Variants in GSTCD observed in about 807,000 individuals in gnomAD.
GSTCD encodes glutathione S-transferase C-terminal domain containing, also known as glutathione S-transferase C-terminal domain-containing protein.
Under a neutral mutation model 68.3 loss-of-function variants are expected in GSTCD, and 44 were observed. The observed-to-expected ratio is 0.64, with a 90% CI of 0.51 to 0.83. The LOEUF (loss-of-function observed/expected upper bound fraction) is 0.83. GSTCD is among the 40% of genes least tolerant of loss of function. The pLI is 0.00. For synonymous variants in GSTCD, 273 were observed against 255.2 expected, an observed-to-expected ratio of 1.07 and a Z score of -0.67; for missense variants, 739 against 735.9, an observed-to-expected ratio of 1.00 and a Z score of -0.05.
chr4:105,795,284 G>T (rs1476866627), intron 5 of GSTCD, among the ~76,000 whole-genome samples: 1 of 151,920 alleles, frequency 6.6e-6, no homozygotes, highest in African/African-American at 2.4e-5. Flanking sequence ...ATTTTTCTGA[G>T]ACCTGCTTTG....
At chr4:105,793,998 A>G (rs1735776241) in intron 5 of GSTCD, among the ~76,000 whole-genome samples, 1 of 152,086 alleles carries the variant, frequency 6.6e-6, no homozygotes, top group African/African-American at 2.4e-5. Flanking sequence ...CTGTGGGTTG[A>G]TTTGGTATGA....
chr4:105,726,926 G>C, intron 4 of GSTCD, 96 bp downstream of exon 4: 1 of 1,027,468 alleles, frequency 9.7e-7, no homozygotes, highest in Admixed American at 2.7e-5. Context: ...CATTATTTTT[G>C]TTATAAATTT....
intron 9 of GSTCD, among the ~76,000 whole-genome samples, chr4:105,836,116 C>A (rs1724108116): frequency 6.6e-6 from 1 of 151,104 alleles, no homozygotes; most frequent in African/African-American, 2.4e-5. Context: ...AATATCTACT[C>A]AGCTCTCAGG....
At chr4:105,796,397 GC>G (rs774698777) in intron 5 of GSTCD, among the ~76,000 whole-genome samples, 47 of 152,278 alleles carry the variant, frequency 3.1e-4, no homozygotes, top group Admixed American at 6.5e-4. Flanking sequence ...TGGGGACACA[GC>G]CAAACCATAT....
At chr4:105,715,211 C>G (rs144336785) in intron 1 of GSTCD, among the ~76,000 whole-genome samples, 170 of 152,238 alleles carry the variant, frequency 1.1e-3, no homozygotes, top group African/African-American at 4.0e-3. Flanking sequence ...AGTGTTGTTA[C>G]AGATCTCACT....
chr4:105,844,006 G>A (rs999783817), intron 11 of GSTCD, among the ~76,000 whole-genome samples: 4 of 152,088 alleles, frequency 2.6e-5, no homozygotes, highest in African/African-American at 4.8e-5. Context: ...TCCTCCCCAG[G>A]CCCACAAAGG....
chr4:105,832,380 C>T (rs898544047), intron 8 of GSTCD, among the ~76,000 whole-genome samples: 2 of 152,020 alleles, frequency 1.3e-5, no homozygotes, highest in African/African-American at 4.8e-5. Context: ...TATTAGTAGA[C>T]AATTATTACA....
chr4:105,797,667 A>G (rs1735948645), intron 5 of GSTCD, among the ~76,000 whole-genome samples: 2 of 151,958 alleles, frequency 1.3e-5, no homozygotes, highest in Non-Finnish European at 1.5e-5. Context: ...ATAAGACAAC[A>G]ATGAAGTTTA....
chr4:105,775,204 A>G (rs1735006629), intron 5 of GSTCD, among the ~76,000 whole-genome samples: 1 of 152,142 alleles, frequency 6.6e-6, no homozygotes, highest in Non-Finnish European at 1.5e-5. Context: ...CAGTTCCAGC[A>G]GGTCATTTAT....
intron 5 of GSTCD, among the ~76,000 whole-genome samples, chr4:105,754,041 T>C (rs1454970962): frequency 6.6e-6 from 1 of 152,096 alleles, no homozygotes; most frequent in African/African-American, 2.4e-5. Context: ...TTTCTGCTAA[T>C]GGGAATTAAT....
chr4:105,750,224 G>A (rs1248655535), intron 5 of GSTCD, among the ~76,000 whole-genome samples: 1 of 152,170 alleles, frequency 6.6e-6, no homozygotes, highest in Non-Finnish European at 1.5e-5. Context: ...AGCACTTTGA[G>A]AGGCCGAGGC....
chr4:105,804,735 C>T (rs1316526735), intron 5 of GSTCD, among the ~76,000 whole-genome samples: 1 of 152,056 alleles, frequency 6.6e-6, no homozygotes, highest in East Asian at 1.9e-4. Context: ...TGGCACAGAT[C>T]ATCCCATCAC....
At chr4:105,845,313 A>T (rs1371951257) in intron 11 of GSTCD, 128 bp from the exon 12 acceptor site, 1 of 886,676 alleles carries the variant, frequency 1.1e-6, no homozygotes, top group African/African-American at 1.6e-5. Context: ...AAACTAAACA[A>T]GACTTAGGGG....
intron 5 of GSTCD, among the ~76,000 whole-genome samples, chr4:105,806,507 C>A (rs1209082466): frequency 1.3e-5 from 2 of 152,016 alleles, no homozygotes; most frequent in Non-Finnish European, 2.9e-5. Flanking sequence ...CTACTCTGAA[C>A]CTATCAATTA....
chr4:105,773,588 A>T (rs1734940296), intron 5 of GSTCD, among the ~76,000 whole-genome samples: 1 of 152,058 alleles, frequency 6.6e-6, no homozygotes, highest in Admixed American at 6.6e-5. Context: ...CAAAGAACTT[A>T]TTTATTTCAG....
intron 5 of GSTCD, among the ~76,000 whole-genome samples, chr4:105,756,578 G>GTA (rs1429458076): frequency 1.0e-4 from 9 of 89,706 alleles, no homozygotes; most frequent in African/African-American, 3.1e-4. Context: ...GTGTGTGTGT[G>GTA]TGTATATATA....
At chr4:105,773,741 C>A (rs1285137358) in intron 5 of GSTCD, among the ~76,000 whole-genome samples, 1 of 152,090 alleles carries the variant, frequency 6.6e-6, no homozygotes, top group Non-Finnish European at 1.5e-5. Flanking sequence ...GATTTCTGTT[C>A]TTTTGCATTT....
Position 105,729,496 on chromosome 4 carries a change from GA to G in GSTCD, c.1239del (p.Gly414ValfsTer9). Reference sequence around the variant, plus strand: ...TCTCCCTGCAGCAGTCAGCCCAAAGGAAGGTGAGTTTTCTTTTTTCTTTAAG... The same window carrying G: ...TCTCCCTGCAGCAGTCAGCCCAAAGGAGGTGAGTTTTCTTTTTTCTTTAAG... Reference protein sequence around the residue: ...NVLPAAVSPKEGKMSSDRALR... With the variant: ...NVLPAAVSPKXGKMSSDRALR... On this transcript the variant is annotated frameshift_variant and splice_region_variant, in exon 5 of 12. Coordinates refer to ENST00000515279, the MANE Select transcript of GSTCD (RefSeq NM_001370181.1). LOFTEE classifies it high-confidence loss of function. 1.2e-6 allele frequency: 2 copies of G among 1,606,330 alleles called. No homozygotes were observed. The highest frequency in any genetic ancestry group is 1.7e-6 in the Non-Finnish European group (2 of 1,174,792).
At chr4:105,744,090 C>T (rs1733726971) in intron 5 of GSTCD, among the ~76,000 whole-genome samples, 1 of 152,198 alleles carries the variant, frequency 6.6e-6, no homozygotes, top group Non-Finnish European at 1.5e-5. Flanking sequence ...AAACAGTTTA[C>T]AGCCTTTGTC....
Sources: allele counts gnomAD v4.1 joint callset (sites outside exome capture counted in the v4.1 genomes callset), GRCh38; gene constraint gnomAD v4.1.1; transcripts MANE v1.5; gene names NCBI Gene and HGNC (gene_info 2026-07-23, HGNC 2026-07-21).